The following CD44 variants were observed in gnomAD, a reference collection of about 807,000 sequenced individuals.
CD44 encodes the protein CD44 molecule (IN blood group), also known as CD44 antigen.
CD44 carries 49 observed loss-of-function variants against 88.8 expected under a neutral mutation model. The ratio of observed to expected loss-of-function variants is 0.55; its 90% confidence interval spans 0.44 to 0.70. The LOEUF is 0.70. CD44 is among the 30% of genes least tolerant of loss of function. The probability of loss-of-function intolerance (pLI) is 0.00; values close to 1 mark genes in which losing one functional copy is unlikely to be tolerated. For missense variants in CD44, 883 were observed against 913.8 expected, an observed-to-expected ratio of 0.97 and a Z score of 0.43; for synonymous variants, 325 against 312.3, an observed-to-expected ratio of 1.04 and a Z score of -0.43.
In CD44 at chr11:35,176,694, A is replaced by G; in HGVS notation, c.187A>G (p.Met63Val). Residue 63 changes from methionine to valine, a missense_variant, in exon 2 of 18, where the codon ATG (methionine) becomes GTG (valine). By Grantham distance (21) the Met-to-Val change is conservative. This residue lies in a region of CD44 where 252 missense variants were observed against 322.9 expected (regional missense o/e 0.78). Coordinates refer to ENST00000428726, the MANE Select transcript of CD44 (RefSeq NM_000610.4). ...CKAFNSTLPT[M>V]AQMEKALSIG... ...GGCTTTCAATAGCACCTTGCCCACAATGGCCCAGATGGAGAAAGCTCTGAG... is the reference window on the plus strand; with the variant it reads ...GGCTTTCAATAGCACCTTGCCCACAGTGGCCCAGATGGAGAAAGCTCTGAG... 3 of 1,614,096 alleles carry G rather than the reference A, an allele frequency of 1.9e-6. No individual in the cohort carries two copies. Among genetic ancestry groups the G allele is most frequent in the Non-Finnish European group, 2.5e-6 (3 of 1,179,974 alleles).
intron 1 of CD44, among the ~76,000 whole-genome samples, chr11:35,145,812 G>A (rs11033010): frequency 0.3 from 45,507 of 151,924 alleles, 6,992 homozygotes; most frequent in South Asian, 0.37. Context: ...CTTCTCTGTC[G>A]GTCTCTTTGG....
chr11:35,206,671 G>GGGC (rs1554971941), intron 11 of CD44, among the ~76,000 whole-genome samples: 8 of 145,208 alleles, frequency 5.5e-5, no homozygotes, highest in East Asian at 2.4e-4. Context: ...GGGGTTGGTG[G>GGGC]GGGGGGCAGT....
At chr11:35,172,086 GA>G (rs1943971219) in intron 1 of CD44, among the ~76,000 whole-genome samples, 2 of 152,148 alleles carry the variant, frequency 1.3e-5, no homozygotes, top group South Asian at 4.1e-4. Flanking sequence ...TGACCTTCCA[GA>G]AAGTTAACAA....
intron 2 of CD44, among the ~76,000 whole-genome samples, chr11:35,179,898 G>C (rs1944825780): frequency 6.6e-6 from 1 of 152,124 alleles, no homozygotes; most frequent in Non-Finnish European, 1.5e-5. Context: ...AAACATGAAG[G>C]TATTCCAGAG....
At chr11:35,154,058 G>A (rs553655927) in intron 1 of CD44, among the ~76,000 whole-genome samples, 4 of 152,270 alleles carry the variant, frequency 2.6e-5, no homozygotes, top group East Asian at 1.9e-4. Context: ...ACACATTTGG[G>A]GAGAAGGGAA....
At chr11:35,169,243 G>A (rs747538956) in intron 1 of CD44, among the ~76,000 whole-genome samples, 17 of 152,036 alleles carry the variant, frequency 1.1e-4, no homozygotes, top group Non-Finnish European at 1.5e-4. Flanking sequence ...TGTGAAGAAG[G>A]GAGACACCAT....
At chr11:35,143,592 G>A (rs989438587) in intron 1 of CD44, among the ~76,000 whole-genome samples, 5 of 151,970 alleles carry the variant, frequency 3.3e-5, no homozygotes, top group South Asian at 4.2e-4. Flanking sequence ...AATTCATTAC[G>A]TGTCTGGAGG....
intron 1 of CD44, among the ~76,000 whole-genome samples, chr11:35,141,893 A>C (rs1451126824): frequency 2.6e-5 from 4 of 152,162 alleles, no homozygotes; most frequent in Non-Finnish European, 5.9e-5. Context: ...GAAGGAAAGG[A>C]GCTCTTGTTG....
At position 35,232,395 on chromosome 11, in the gene CD44, GA is replaced by G. The variant is rs1950101082; in HGVS notation, c.*3065del. The G allele has an allele frequency of 6.6e-6, 1 of 152,424 alleles. No individual in the cohort carries two copies. Among genetic ancestry groups the G allele is most frequent in the Non-Finnish European group, 1.5e-5 (1 of 68,014 alleles). The allele number at this position is 152,424 out of a possible 1,614,324, so 9.4% of individuals were successfully genotyped here. On this transcript the variant is annotated 3_prime_UTR_variant, in exon 18 of 18. Coordinates refer to ENST00000428726, the MANE Select transcript of CD44 (RefSeq NM_000610.4). Reference sequence around the variant, plus strand: ...AAAGGCTAACATTAAAAGACTAAAGGAAACAGACTCAGAAGTCTCTAATTTA... The same window carrying G: ...AAAGGCTAACATTAAAAGACTAAAGGAACAGACTCAGAAGTCTCTAATTTA...
chr11:35,152,071 G>T (rs973051980), intron 1 of CD44, among the ~76,000 whole-genome samples: 7 of 152,232 alleles, frequency 4.6e-5, no homozygotes, highest in Non-Finnish European at 1.0e-4. Flanking sequence ...AGATGAAAGG[G>T]TGGTATGTGC....
At chr11:35,204,952 G>A (rs867645739) in intron 10 of CD44, 34 of 260,006 alleles carry the variant, frequency 1.3e-4, no homozygotes, top group African/African-American at 4.5e-4. Flanking sequence ...ATAAAATATC[G>A]CTGTCTGTTG....
chr11:35,221,529 G>T, intron 16 of CD44, 125 bp from the exon 17 acceptor site: 1 of 794,600 alleles, frequency 1.3e-6, no homozygotes, highest in Non-Finnish European at 2.2e-6. Flanking sequence ...TGGACCTATT[G>T]GCCAGACCCC....
chr11:35,183,119 A>C (rs1442556481), intron 3 of CD44, among the ~76,000 whole-genome samples: 2 of 152,190 alleles, frequency 1.3e-5, no homozygotes, highest in Non-Finnish European at 2.9e-5. Context: ...TGGATGAATT[A>C]AATAATAAAG....
chr11:35,161,909 A>C (rs560175157), intron 1 of CD44, among the ~76,000 whole-genome samples: 5 of 152,200 alleles, frequency 3.3e-5, no homozygotes, highest in Non-Finnish European at 7.3e-5. Flanking sequence ...AAATGTGTCC[A>C]TGAGTTCATA....
At chr11:35,213,341 A>G (rs954027643) in intron 14 of CD44, among the ~76,000 whole-genome samples, 1 of 152,146 alleles carries the variant, frequency 6.6e-6, no homozygotes, top group Non-Finnish European at 1.5e-5. Context: ...AAAAACACTC[A>G]CCCACATAAA....
chr11:35,197,024 T>G, intron 6 of CD44, 150 bp downstream of exon 6: 1 of 711,634 alleles, frequency 1.4e-6, no homozygotes, highest in Admixed American at 2.8e-5. Context: ...CTCTGGTATC[T>G]GTTTGTTTGC....
At chr11:35,151,010 G>A (rs1359716449) in intron 1 of CD44, among the ~76,000 whole-genome samples, 1 of 152,220 alleles carries the variant, frequency 6.6e-6, no homozygotes, top group Non-Finnish European at 1.5e-5. Context: ...AATTATGCAA[G>A]AGAGCATAAC....
At chr11:35,140,673 G>A (rs1348873165) in intron 1 of CD44, among the ~76,000 whole-genome samples, 1 of 152,052 alleles carries the variant, frequency 6.6e-6, no homozygotes, top group African/African-American at 2.4e-5. Flanking sequence ...TGCTAGGTGG[G>A]GATTTGGGGA....
At position 35,231,379 on chromosome 11, in the gene CD44, C is replaced by T. The variant is rs61882771; in HGVS notation, c.*2046C>T. On this transcript the variant is annotated 3_prime_UTR_variant, in exon 18 of 18. Coordinates refer to ENST00000428726, the MANE Select transcript of CD44 (RefSeq NM_000610.4). ...TGGTTACAACAGCCTCTACCTGTCG[C>T]CCCAGGGAGAAAGGGGTAGTGATAC... The T allele has an allele frequency of 0.094, 14,315 of 152,178 alleles. 748 individuals carry two copies. Among genetic ancestry groups the T allele is most frequent in the African/African-American group, 0.13 (5,595 of 41,506 alleles). The allele number at this position is 152,178 out of a possible 1,614,324, so 9.4% of individuals were successfully genotyped here. A position where few individuals can be genotyped will look rare whatever the true frequency, so the allele number is the denominator to read the frequency against.
Sources: allele counts gnomAD v4.1 joint callset (sites outside exome capture counted in the v4.1 genomes callset), GRCh38; gene constraint gnomAD v4.1.1; regional missense constraint gnomAD v4.1.1; transcripts MANE v1.5; gene names NCBI Gene and HGNC (gene_info 2026-07-23, HGNC 2026-07-21).